The following NCKAP1 variants were observed in gnomAD, a reference collection of about 807,000 sequenced individuals.
NCKAP1 encodes NCK associated protein 1, also known as nck-associated protein 1.
In NCKAP1, 21 loss-of-function variants were observed where a neutral mutation model predicts 151.2. That is an observed-to-expected ratio of 0.14 (90% CI 0.10 to 0.20). The LOEUF (loss-of-function observed/expected upper bound fraction) is 0.20, where lower values mean the gene tolerates loss of function less well. Among genes scored for constraint, NCKAP1 ranks in the 10% least tolerant of loss-of-function variants. The pLI, the probability that NCKAP1 is intolerant of heterozygous loss-of-function variation, is 1.00. For synonymous variants in NCKAP1, 484 were observed against 451.8 expected (o/e 1.07, Z -0.90); for missense variants, 933 against 1,352.1 (o/e 0.69, Z 4.86).
At chr2:182,968,827 G>C (rs770958131) in intron 15 of NCKAP1, among the ~76,000 whole-genome samples, 4 of 152,160 alleles carry the variant, frequency 2.6e-5, no homozygotes, top group Non-Finnish European at 4.4e-5. Context: ...TTATCACCTT[G>C]TAAGTAGGAT....
intron 23 of NCKAP1, among the ~76,000 whole-genome samples, chr2:182,946,016 G>A (rs1697095951): frequency 6.6e-6 from 1 of 152,068 alleles, no homozygotes; most frequent in Non-Finnish European, 1.5e-5. Context: ...CAGCAACATG[G>A]ATAGAGCTGG....
Position 182,995,851 on chromosome 2 carries a change from C to T in NCKAP1, c.604-13G>A, listed in dbSNP as rs749580524. The T allele has an allele frequency of 6.9e-6, 11 of 1,593,910 alleles. No homozygotes were observed. The highest frequency in any genetic ancestry group is 3.3e-5 in the South Asian group (3 of 90,092). On this transcript the variant is annotated splice_polypyrimidine_tract_variant and intron_variant, in intron 6 of 30. Coordinates refer to ENST00000361354, the MANE Select transcript of NCKAP1 (RefSeq NM_013436.5). ...CATCTGAAAGAGACTAATTAAAATA[C>T]GAAAAAAAAGCTGAAGAATAATTTT...
In NCKAP1 at chr2:182,953,195, C is replaced by T. The variant is rs2105822923; in HGVS notation, c.2290G>A (p.Val764Ile). The T allele has an allele frequency of 6.2e-7, 1 of 1,613,074 alleles. No individual in the cohort carries two copies. Among genetic ancestry groups the T allele is most frequent in the African/African-American group, 1.3e-5 (1 of 74,994 alleles). ...ENYVQIDITRVFNNVLLQQTQ... is the reference protein window; with the variant it reads ...ENYVQIDITRIFNNVLLQQTQ... ...TGTTGAAGAAGCACATTATTAAATA[C>T]TCTTGTAATATCAATCTGCACATAG... The change falls in exon 21 of 31, where the codon GTA becomes ATA. Residue 764 changes from valine (V) to isoleucine (I), a missense_variant. This residue lies in a region of NCKAP1 where 326 missense variants were observed against 557.1 expected (regional missense o/e 0.59). Transcript: ENST00000361354.
chr2:182,934,688 G>A lies in NCKAP1; in HGVS notation c.2859+64C>T, dbSNP rs1696836932. On this transcript the variant is annotated intron_variant, in intron 26 of 30. Coordinates refer to ENST00000361354, the MANE Select transcript of NCKAP1 (RefSeq NM_013436.5). ...AGTTTAGGATTTATTACATTTTCTT[G>A]CATATGTAATTTAAATATTTCGCTT... 4 of 805,190 alleles carry A rather than the reference G, an allele frequency of 5.0e-6. No individual in the cohort carries two copies. The Admixed American group carries it at 7.9e-5, about 16-fold the overall frequency. The allele number at this position is 805,190 out of a possible 1,614,324, so 49.9% of individuals were successfully genotyped here.
At chr2:183,012,379 T>C (rs907538849) in intron 2 of NCKAP1, among the ~76,000 whole-genome samples, 1 of 152,168 alleles carries the variant, frequency 6.6e-6, no homozygotes, top group African/African-American at 2.4e-5. Context: ...ACAGCTGATG[T>C]TAAGTTTTCT....
chr2:182,949,502 C>CA (rs1266453512), intron 23 of NCKAP1, among the ~76,000 whole-genome samples: 1 of 152,070 alleles, frequency 6.6e-6, no homozygotes, highest in Non-Finnish European at 1.5e-5. Context: ...TTGAATAAAA[C>CA]AGAGTTAAGA....
chr2:182,928,431 A>G (rs183344882), intron 28 of NCKAP1, among the ~76,000 whole-genome samples: 53 of 152,250 alleles, frequency 3.5e-4, no homozygotes, highest in African/African-American at 1.3e-3. Flanking sequence ...ACGATCGTGT[A>G]TATGTTAAAC....
rs1305126126 is a variant in NCKAP1 at position 182,916,307 on chromosome 2, C to G, written c.*9395G>C. 1.3e-5 allele frequency: 2 copies of G among 151,786 alleles called. No homozygotes were observed. The highest frequency in any genetic ancestry group is 2.4e-5 in the African/African-American group (1 of 41,312). 9.4% of individuals were successfully genotyped at this position (151,786 alleles called of 1,614,324 possible). Reference sequence around the variant, plus strand: ...AAGAAACAGAACCACTTGTTCCCAACATGAAGCTAAGGGCATCTGTACCAA... The same window carrying G: ...AAGAAACAGAACCACTTGTTCCCAAGATGAAGCTAAGGGCATCTGTACCAA... On this transcript the variant is annotated 3_prime_UTR_variant, in exon 31 of 31. Transcript: ENST00000361354.
At chr2:182,945,880 A>G (rs137889517) in intron 23 of NCKAP1, among the ~76,000 whole-genome samples, 1 of 152,222 alleles carries the variant, frequency 6.6e-6, no homozygotes, top group Admixed American at 6.5e-5. Flanking sequence ...ACTATTCACA[A>G]CAACAACAAA....
intron 2 of NCKAP1, among the ~76,000 whole-genome samples, chr2:183,010,407 G>A (rs1575063685): frequency 6.6e-6 from 1 of 152,274 alleles, no homozygotes; most frequent in Non-Finnish European, 1.5e-5. Context: ...CCCCCAGAAT[G>A]CACCAGTGGA....
chr2:182,933,284 G>T lies in NCKAP1; in HGVS notation c.2859+1468C>A, dbSNP rs925787811. ...AGAATGCAACAGAAAGATCTAGTTA[G>T]CTCACAGAATACCATATAAAAAGAG... is the stretch of plus-strand genomic sequence containing the variant. On this transcript the variant is annotated intron_variant, in intron 26 of 30. Transcript: ENST00000361354. Among the ~76,000 whole-genome samples, 3 of 151,986 alleles carry T rather than the reference G, an allele frequency of 2.0e-5. No homozygotes were observed. In the East Asian group the frequency reaches 5.8e-4, roughly 29 times the overall value.
intron 7 of NCKAP1, among the ~76,000 whole-genome samples, chr2:182,995,365 A>T (rs1045037101): frequency 1.3e-5 from 2 of 152,326 alleles, no homozygotes; most frequent in South Asian, 4.1e-4. Flanking sequence ...GAATATAACA[A>T]TGATTTTGTC....
chr2:183,035,524 G>A (rs780033167), intron 1 of NCKAP1, among the ~76,000 whole-genome samples: 6 of 151,872 alleles, frequency 4.0e-5, no homozygotes, highest in Non-Finnish European at 2.9e-5. Context: ...TGAGGTGGAA[G>A]GTTTTTTTTT....
intron 27 of NCKAP1, 54 bp from the exon 28 acceptor site, chr2:182,928,953 G>T: frequency 1.7e-6 from 2 of 1,176,140 alleles, no homozygotes; most frequent in South Asian, 2.8e-5. Flanking sequence ...GATTAGTTAA[G>T]ATTTGATAAT....
chr2:183,006,169 A>G (rs1440433910), intron 2 of NCKAP1, among the ~76,000 whole-genome samples: 1 of 152,208 alleles, frequency 6.6e-6, no homozygotes. Context: ...GTGTCAGATG[A>G]TATGTTTTGG....
chr2:182,985,865 A>G (rs1160172755), intron 10 of NCKAP1, among the ~76,000 whole-genome samples: 1 of 151,926 alleles, frequency 6.6e-6, no homozygotes, highest in Non-Finnish European at 1.5e-5. Context: ...ATTTTCATGT[A>G]GTAGTACAAA....
At chr2:183,002,290 G>C (rs1004803043) in intron 4 of NCKAP1, 21 bp from the exon 5 acceptor site, 3 of 1,431,626 alleles carry the variant, frequency 2.1e-6, no homozygotes, top group Admixed American at 4.5e-5. Flanking sequence ...AAAAAATCAA[G>C]TTCAACTACT....
chr2:182,929,167 T>C (rs1696709377), intron 27 of NCKAP1, among the ~76,000 whole-genome samples: 1 of 151,992 alleles, frequency 6.6e-6, no homozygotes, highest in Non-Finnish European at 1.5e-5. Context: ...GATTTTATTT[T>C]TTTTAATTGT....
intron 26 of NCKAP1, among the ~76,000 whole-genome samples, chr2:182,931,095 C>A (rs1696753943): frequency 6.6e-6 from 1 of 152,056 alleles, no homozygotes. Context: ...AATATCAAGT[C>A]AGAAAAGATG....
Sources: gnomAD v4.1 joint callset for allele counts (sites outside exome capture counted in the v4.1 genomes callset) on GRCh38, gnomAD v4.1.1 for gene constraint, gnomAD v4.1.1 regional missense constraint, MANE v1.5 for transcripts, NCBI Gene and HGNC (gene_info 2026-07-23, HGNC 2026-07-21) for gene names.